The following C8orf34 variants were observed in gnomAD, a reference collection of about 807,000 sequenced individuals.
C8orf34 encodes the protein chromosome 8 open reading frame 34.
In C8orf34, 65 loss-of-function variants were observed where a neutral mutation model predicts 68.3. The ratio of observed to expected loss-of-function variants is 0.95; its 90% CI spans 0.78 to 1.17. The LOEUF (loss-of-function observed/expected upper bound fraction) is 1.17, where lower values mean the gene tolerates loss of function less well. C8orf34 is among the 50% of genes most tolerant of loss of function. The pLI is 0.00. For missense variants in C8orf34, 664 were observed against 655.4 expected, an observed-to-expected ratio of 1.01 and a Z score of -0.14; for synonymous variants, 244 against 241.2, an observed-to-expected ratio of 1.01 and a Z score of -0.11.
intron 6 of C8orf34, 97 bp downstream of exon 6, chr8:68,522,068 GTAAT>G: frequency 7.9e-6 from 9 of 1,141,186 alleles, no homozygotes; most frequent in Non-Finnish European, 1.1e-5. Flanking sequence ...ATCCGTTTTA[GTAAT>G]TTTTTATAGA....
intron 5 of C8orf34, among the ~76,000 whole-genome samples, chr8:68,511,781 C>T (rs1406940883): frequency 6.6e-6 from 1 of 152,114 alleles, no homozygotes; most frequent in Non-Finnish European, 1.5e-5. Flanking sequence ...AACAAACATG[C>T]TCCAAATTTT....
intron 3 of C8orf34, among the ~76,000 whole-genome samples, chr8:68,466,930 A>G (rs952789799): frequency 4.0e-5 from 6 of 151,540 alleles, no homozygotes; most frequent in Admixed American, 1.3e-4. Context: ...TTACCATATA[A>G]ATATTTTTAA....
At chr8:68,493,910 G>T (rs149675771) in intron 5 of C8orf34, among the ~76,000 whole-genome samples, 195 of 152,222 alleles carry the variant, frequency 1.3e-3, no homozygotes, top group African/African-American at 4.6e-3. Context: ...TTCCAAAATT[G>T]TAACAAATAA....
Position 68,658,105 on chromosome 8 carries a change from A to T in C8orf34, c.1241+17594A>T, listed in dbSNP as rs542580898. On this transcript the variant is annotated intron_variant, in intron 8 of 13. Coordinates refer to ENST00000518698, the MANE Select transcript of C8orf34 (RefSeq NM_052958.4). ...CATATACTTTTTCCATATCAACAATATCAAATCACTTTTCTTGGGACCTCA... is the reference window on the plus strand; with the variant it reads ...CATATACTTTTTCCATATCAACAATTTCAAATCACTTTTCTTGGGACCTCA... Among the ~76,000 whole-genome samples the T allele has an allele frequency of 2.9e-4, 44 of 152,346 alleles. 1 individual carries two copies. The highest frequency in any genetic ancestry group is 1.0e-3 in the African/African-American group (42 of 41,578).
At chr8:68,554,378 C>T (rs1457802726) in intron 7 of C8orf34, among the ~76,000 whole-genome samples, 2 of 151,994 alleles carry the variant, frequency 1.3e-5, no homozygotes, top group African/African-American at 2.4e-5. Flanking sequence ...CTAACAGTTT[C>T]TTTAATTCTT....
At chr8:68,631,127 TG>T (rs1818679275) in intron 7 of C8orf34, among the ~76,000 whole-genome samples, 1 of 151,440 alleles carries the variant, frequency 6.6e-6, no homozygotes, top group Non-Finnish European at 1.5e-5. Context: ...TAGCCAGGCA[TG>T]GTGGTGGCAT....
chr8:68,518,231 A>C (rs1413242293), intron 5 of C8orf34, among the ~76,000 whole-genome samples: 1 of 152,216 alleles, frequency 6.6e-6, no homozygotes, highest in East Asian at 1.9e-4. Flanking sequence ...AAGTTTGGTC[A>C]TGTCCCTTGG....
At chr8:68,668,221 T>A (rs1819900065) in intron 8 of C8orf34, among the ~76,000 whole-genome samples, 1 of 152,160 alleles carries the variant, frequency 6.6e-6, no homozygotes, top group Non-Finnish European at 1.5e-5. Context: ...CAAAATTGCC[T>A]TTGGTTCTAA....
At chr8:68,368,579 A>C (rs1266428336) in intron 1 of C8orf34, among the ~76,000 whole-genome samples, 1 of 152,190 alleles carries the variant, frequency 6.6e-6, no homozygotes, top group East Asian at 1.9e-4. Context: ...AAGAATGATC[A>C]TTGCAATATT....
chr8:68,662,828 G>C (rs1272162902), intron 8 of C8orf34, among the ~76,000 whole-genome samples: 1 of 152,034 alleles, frequency 6.6e-6, no homozygotes, highest in Non-Finnish European at 1.5e-5. Context: ...AGAGGACCTT[G>C]GTTCATTTTT....
intron 4 of C8orf34, among the ~76,000 whole-genome samples, chr8:68,485,063 T>C (rs1016094666): frequency 2.0e-5 from 3 of 152,194 alleles, no homozygotes; most frequent in Non-Finnish European, 4.4e-5. Context: ...CATTACTTCT[T>C]AGTACTGAAA....
chr8:68,658,167 C>T (rs1819563401), intron 8 of C8orf34, among the ~76,000 whole-genome samples: 1 of 152,112 alleles, frequency 6.6e-6, no homozygotes, highest in Non-Finnish European at 1.5e-5. Context: ...TAAAAAATTG[C>T]TTCTTAAGAC....
At chr8:68,724,871 TC>T (rs1821782776) in intron 10 of C8orf34, among the ~76,000 whole-genome samples, 1 of 152,208 alleles carries the variant, frequency 6.6e-6, no homozygotes, top group African/African-American at 2.4e-5. Flanking sequence ...TTATTTTTTT[TC>T]TTTTTTGAGA....
At chr8:68,743,671 C>T (rs190127957) in intron 10 of C8orf34, among the ~76,000 whole-genome samples, 10 of 152,322 alleles carry the variant, frequency 6.6e-5, no homozygotes, top group Admixed American at 5.9e-4. Flanking sequence ...CTGCGCTTTC[C>T]CGACGGGCTT....
At chr8:68,540,621 T>A (rs1278907746) in intron 7 of C8orf34, among the ~76,000 whole-genome samples, 1 of 151,934 alleles carries the variant, frequency 6.6e-6, no homozygotes, top group Non-Finnish European at 1.5e-5. Context: ...GGCAGGCAGA[T>A]CACAAGGTCA....
chr8:68,666,127 G>T (rs563808390), intron 8 of C8orf34, among the ~76,000 whole-genome samples: 1 of 152,206 alleles, frequency 6.6e-6, no homozygotes, highest in African/African-American at 2.4e-5. Flanking sequence ...AGAGAGGTTG[G>T]GTACTCAGTG....
At chr8:68,397,594 C>A (rs988433427) in intron 1 of C8orf34, among the ~76,000 whole-genome samples, 1 of 151,856 alleles carries the variant, frequency 6.6e-6, no homozygotes, top group African/African-American at 2.4e-5. Flanking sequence ...TATCATTGAA[C>A]TTTTAGGTGG....
At chr8:68,765,080 AACTAAACACTAGT>A (rs1034820183) in intron 10 of C8orf34, among the ~76,000 whole-genome samples, 22 of 147,916 alleles carry the variant, frequency 1.5e-4, no homozygotes, top group African/African-American at 5.6e-4. Context: ...TTTCATTATA[AACTAAACACTAGT>A]ACTAACGTTT....
At chr8:68,676,737 T>A (rs527667187) in intron 8 of C8orf34, among the ~76,000 whole-genome samples, 15 of 152,334 alleles carry the variant, frequency 9.8e-5, no homozygotes, top group Admixed American at 1.3e-4. Context: ...TTCGTTTTCA[T>A]GCTGCTGATA....
Sources: gnomAD v4.1 joint callset for allele counts (sites outside exome capture counted in the v4.1 genomes callset) on GRCh38, gnomAD v4.1.1 for gene constraint, MANE v1.5 for transcripts, NCBI Gene and HGNC (gene_info 2026-07-23, HGNC 2026-07-21) for gene names.